The following NALCN variants were observed in gnomAD, a reference collection of about 807,000 sequenced individuals.
NALCN encodes the protein sodium leak channel, non-selective, also known as sodium leak channel NALCN.
A neutral mutation model predicts 225.3 loss-of-function variants in NALCN; 111 were observed. The ratio of observed to expected loss-of-function variants is 0.49; its 90% CI spans 0.42 to 0.58. The LOEUF is 0.58. Among genes scored for constraint, NALCN ranks in the 20% least tolerant of loss-of-function variants. The pLI is 0.00. For missense variants in NALCN, 1,378 were observed against 2,202.4 expected, an observed-to-expected ratio of 0.63 and a Z score of 7.49; for synonymous variants, 764 against 769.0, an observed-to-expected ratio of 0.99 and a Z score of 0.11.
At chr13:101,162,811 T>A (rs1471762123) in intron 15 of NALCN, among the ~76,000 whole-genome samples, 2 of 152,266 alleles carry the variant, frequency 1.3e-5, no homozygotes, top group Non-Finnish European at 2.9e-5. Flanking sequence ...AATAGCATCC[T>A]TACAGTTAAG....
chr13:101,368,942 GT>G, intron 6 of NALCN: 1 of 269,468 alleles, frequency 3.7e-6, no homozygotes, highest in Non-Finnish European at 7.5e-6. Flanking sequence ...GGAGATGGAT[GT>G]TTCAGTAAGC....
At chr13:101,202,996 G>C (rs949418716) in intron 13 of NALCN, among the ~76,000 whole-genome samples, 27 of 152,134 alleles carry the variant, frequency 1.8e-4, no homozygotes, top group Admixed American at 5.2e-4. Context: ...ACGGCTTTGG[G>C]AAAAACATTC....
At chr13:101,147,539 CTTTTG>C (rs1281073247) in intron 15 of NALCN, among the ~76,000 whole-genome samples, 1 of 151,614 alleles carries the variant, frequency 6.6e-6, no homozygotes, top group Non-Finnish European at 1.5e-5. Context: ...AACAAAAAAA[CTTTTG>C]TTTTAACAAA....
At chr13:101,095,309 C>T (rs2034443262) in intron 28 of NALCN, among the ~76,000 whole-genome samples, 1 of 152,142 alleles carries the variant, frequency 6.6e-6, no homozygotes, top group Admixed American at 6.6e-5. Context: ...AATCCAGATA[C>T]ATATTTCTGA....
chr13:101,406,240 C>A (rs1163740275), intron 1 of NALCN, among the ~76,000 whole-genome samples: 3 of 151,752 alleles, frequency 2.0e-5, no homozygotes, highest in Non-Finnish European at 4.4e-5. Context: ...GTGGGAGGCT[C>A]ACTTGAGCCT....
At chr13:101,068,065 C>A in intron 38 of NALCN, 32 bp from the exon 39 acceptor site, 1 of 1,262,580 alleles carries the variant, frequency 7.9e-7, no homozygotes. Context: ...AGAAGTTAGA[C>A]CATTATGCTA....
chr13:101,305,328 A>C (rs1002881610), intron 7 of NALCN, among the ~76,000 whole-genome samples: 1 of 152,188 alleles, frequency 6.6e-6, no homozygotes, highest in Non-Finnish European at 1.5e-5. Context: ...ATCTCCTATG[A>C]TAGTTGTGTT....
rs191767757 is a variant in NALCN, at chr13:101,159,309, G to A, written c.1840-14413C>T. 9.4e-3 allele frequency among the ~76,000 whole-genome samples: 1,438 copies of A among 152,258 alleles called. 17 individuals are homozygous for A. Among genetic ancestry groups the A allele is most frequent in the African/African-American group, 0.033 (1,361 of 41,542 alleles). On this transcript the variant is annotated intron_variant, in intron 15 of 43. Coordinates refer to ENST00000251127, the MANE Select transcript of NALCN (RefSeq NM_052867.4). ...TGACAAAATCTGACTATTCTCAGAG[G>A]AGATTACTTATCTAGGGCCCTGTGA... is the stretch of plus-strand genomic sequence containing the variant.
intron 18 of NALCN, among the ~76,000 whole-genome samples, chr13:101,115,250 G>C (rs945489607): frequency 5.3e-5 from 8 of 151,742 alleles, no homozygotes; most frequent in African/African-American, 1.5e-4. Flanking sequence ...CACTAGAAGA[G>C]ACAGTAATGA....
At chr13:101,312,675 G>C (rs2044391071) in intron 7 of NALCN, among the ~76,000 whole-genome samples, 1 of 152,142 alleles carries the variant, frequency 6.6e-6, no homozygotes, top group South Asian at 2.1e-4. Flanking sequence ...GCGGTTTTGA[G>C]TGAGTTTCTT....
At chr13:101,382,401 A>ATTTTTAAAAATAGC (rs2046876973) in intron 3 of NALCN, among the ~76,000 whole-genome samples, 1 of 152,122 alleles carries the variant, frequency 6.6e-6, no homozygotes, top group Admixed American at 6.6e-5. Flanking sequence ...TACATGTTAA[A>ATTTTTAAAAATAGC]TTTTTAAAAA....
intron 7 of NALCN, among the ~76,000 whole-genome samples, chr13:101,294,758 A>C (rs1473488240): frequency 6.6e-6 from 1 of 151,988 alleles, no homozygotes; most frequent in African/African-American, 2.4e-5. Context: ...TAATTCTTTA[A>C]CATAATATCT....
chr13:101,349,653 T>C (rs1224868787), intron 6 of NALCN, among the ~76,000 whole-genome samples: 2 of 152,140 alleles, frequency 1.3e-5, no homozygotes, highest in Non-Finnish European at 2.9e-5. Flanking sequence ...CCATCTCCTC[T>C]AGTCGTGAGC....
intron 7 of NALCN, among the ~76,000 whole-genome samples, chr13:101,293,251 C>T (rs1364811486): frequency 6.6e-6 from 1 of 152,168 alleles, no homozygotes; most frequent in Non-Finnish European, 1.5e-5. Context: ...TAGTTAGTTT[C>T]TCCATCTGTA....
At chr13:101,271,634 A>C (rs2042778659) in intron 10 of NALCN, among the ~76,000 whole-genome samples, 1 of 151,488 alleles carries the variant, frequency 6.6e-6, no homozygotes, top group African/African-American at 2.4e-5. Context: ...TGTGTGAGGT[A>C]TGTGCGTGTG....
chr13:101,279,763 G>C (rs1000502732), intron 10 of NALCN, among the ~76,000 whole-genome samples: 1 of 149,160 alleles, frequency 6.7e-6, no homozygotes, highest in Admixed American at 6.7e-5. Context: ...CTTGCAGTGA[G>C]CCGAGATCCC....
At chr13:101,240,868 AG>A (rs1453275880) in intron 11 of NALCN, among the ~76,000 whole-genome samples, 1 of 152,194 alleles carries the variant, frequency 6.6e-6, no homozygotes, top group African/African-American at 2.4e-5. Flanking sequence ...AAAAAACTCT[AG>A]ATGATAATGC....
intron 2 of NALCN, among the ~76,000 whole-genome samples, chr13:101,397,412 T>C (rs2047341144): frequency 6.6e-6 from 1 of 150,804 alleles, no homozygotes; most frequent in South Asian, 2.1e-4. Flanking sequence ...ATATAACATA[T>C]ATACATATTA....
chr13:101,382,582 A>G (rs1160351493), intron 3 of NALCN, among the ~76,000 whole-genome samples: 1 of 152,162 alleles, frequency 6.6e-6, no homozygotes, highest in African/African-American at 2.4e-5. Flanking sequence ...TGCTAAGGAA[A>G]TTAATGTTGT....
Sources: gnomAD v4.1 joint callset for allele counts (sites outside exome capture counted in the v4.1 genomes callset) on GRCh38, gnomAD v4.1.1 for gene constraint, MANE v1.5 for transcripts, NCBI Gene and HGNC (gene_info 2026-07-23, HGNC 2026-07-21) for gene names.